Variants in NBAS observed in about 807,000 individuals in gnomAD.
The protein encoded by NBAS is NBAS subunit of NRZ tethering complex.
A neutral mutation model predicts 302.5 loss-of-function variants in NBAS; 219 were observed. That is an observed-to-expected ratio of 0.72 (90% CI 0.65 to 0.81). The LOEUF (loss-of-function observed/expected upper bound fraction) is 0.81, where lower values mean the gene tolerates loss of function less well. NBAS is among the 30% of genes least tolerant of loss of function. The pLI is 0.00. For missense variants in NBAS, 2,932 were observed against 2,841.6 expected (o/e 1.03, Z -0.72); for synonymous variants, 1,118 against 1,021.6 (o/e 1.09, Z -1.80).
intron 51 of NBAS, among the ~76,000 whole-genome samples, chr2:15,174,998 G>A (rs909618227): frequency 4.6e-5 from 7 of 151,834 alleles, no homozygotes; most frequent in Non-Finnish European, 1.0e-4. Context: ...TTTTTGAGAC[G>A]GAGTCTCACT....
the NBAS span, among the ~76,000 whole-genome samples, chr2:15,048,256 C>T: frequency 6.6e-6 from 1 of 152,248 alleles, no homozygotes; most frequent in Admixed American, 6.5e-5. Flanking sequence ...GCAGGCCCTG[C>T]GTGCAGTTCC....
rs776797592 is a variant in NBAS at position 15,402,288 on chromosome 2, A to AT, written c.2950dup (p.Ile984AsnfsTer4). The AT allele has an allele frequency of 2.5e-6, 4 of 1,613,394 alleles. No homozygotes were observed. Among genetic ancestry groups the AT allele is most frequent in the Admixed American group, 1.7e-5 (1 of 59,984 alleles). ...CATCAGTTGGTCCTGATCAGGAATA[A>AT]TTTTTTGCTGCAGCTACAGAAAATA... On this transcript the variant is annotated frameshift_variant, in exon 26 of 52. Transcript: ENST00000281513. LOFTEE classifies it high-confidence loss of function.
intron 25 of NBAS, among the ~76,000 whole-genome samples, chr2:15,413,677 A>G (rs74583390): frequency 8.4e-4 from 128 of 152,332 alleles, no homozygotes; most frequent in Non-Finnish European, 1.0e-3. Context: ...CAGGAAGCAG[A>G]CAGCAAAGAA....
intron 19 of NBAS, among the ~76,000 whole-genome samples, chr2:15,464,086 C>G (rs370973724): frequency 5.3e-5 from 8 of 152,178 alleles, no homozygotes; most frequent in African/African-American, 1.7e-4. Context: ...CATCACACCA[C>G]TCTTCTCTCT....
At chr2:15,205,232 T>C (rs1251742473) in intron 48 of NBAS, among the ~76,000 whole-genome samples, 5 of 151,840 alleles carry the variant, frequency 3.3e-5, no homozygotes, top group African/African-American at 1.2e-4. Context: ...ATGGATAACC[T>C]CAAATCAAAA....
chr2:15,072,885 T>C, the NBAS span, among the ~76,000 whole-genome samples: 2 of 152,096 alleles, frequency 1.3e-5, no homozygotes, highest in African/African-American at 2.4e-5. Context: ...CCCCAACACT[T>C]TGAGAGGCTG....
At chr2:15,389,503 T>C (rs996149485) in intron 28 of NBAS, among the ~76,000 whole-genome samples, 1 of 152,212 alleles carries the variant, frequency 6.6e-6, no homozygotes, top group Admixed American at 6.5e-5. Flanking sequence ...GATGGTATAC[T>C]GTGGAGTTAG....
chr2:15,262,277 T>G (rs1181270585), intron 44 of NBAS, among the ~76,000 whole-genome samples: 1 of 152,128 alleles, frequency 6.6e-6, no homozygotes, highest in Non-Finnish European at 1.5e-5. Context: ...TGACAGAAAG[T>G]AGAGAAAAGA....
In NBAS at chr2:15,419,788, G is replaced by A. The variant is rs376876063; in HGVS notation, c.2578-2076C>T. 3.6e-4 allele frequency among the ~76,000 whole-genome samples: 55 copies of A among 151,756 alleles called. No individual in the cohort carries two copies. The East Asian group carries it at 7.6e-3, about 21-fold the overall frequency. ...GTGCAATGGTGCGATCTCGGCTCAC[G>A]GCAAGCTCTGCCTCCTGGGTTCACA... On this transcript the variant is annotated intron_variant, in intron 23 of 51. Transcript: ENST00000281513.
chr2:15,123,737 A>G, the NBAS span, among the ~76,000 whole-genome samples: 2 of 152,198 alleles, frequency 1.3e-5, no homozygotes, highest in African/African-American at 2.4e-5. Context: ...CCTCACCAGA[A>G]GCAGATCCCA....
At chr2:15,163,305 G>A (rs1663939811), downstream of NBAS, among the ~76,000 whole-genome samples, 1 of 152,218 alleles carries the variant, frequency 6.6e-6, no homozygotes, top group Non-Finnish European at 1.5e-5. Flanking sequence ...CTAGAAGGGA[G>A]AAGGGGGTCA....
Position 15,234,405 on chromosome 2 carries a change from G to A in NBAS, c.6146+140C>T, listed in dbSNP as rs904679789. The A allele has an allele frequency of 4.8e-5, 40 of 841,838 alleles. No individual in the cohort carries two copies. The East Asian group carries it at 1.1e-3, about 22-fold the overall frequency. 52.1% of individuals were successfully genotyped at this position (841,838 alleles called of 1,614,324 possible). A position where few individuals can be genotyped will look rare whatever the true frequency, so the allele number is the denominator to read the frequency against. The stretch of plus-strand genomic sequence containing the variant: ...CTCCCTTCTGAAGACATAAGACTAT[G>A]AGAACTCTAAAAATAATCTCTCACT... On this transcript the variant is annotated intron_variant, in intron 46 of 51. Coordinates refer to ENST00000281513, the MANE Select transcript of NBAS (RefSeq NM_015909.4).
At chr2:15,283,436 CAGTG>C (rs1669908851) in intron 42 of NBAS, among the ~76,000 whole-genome samples, 2 of 152,232 alleles carry the variant, frequency 1.3e-5, no homozygotes, top group South Asian at 2.1e-4. Context: ...GTGCTCACGA[CAGTG>C]AGTGAGTTCT....
the NBAS span, among the ~76,000 whole-genome samples, chr2:14,909,398 A>ACAT: frequency 6.9e-6 from 1 of 145,458 alleles, no homozygotes; most frequent in Non-Finnish European, 1.5e-5. Context: ...AAGATTTCCC[A>ACAT]CATACCTACA....
At chr2:15,220,929 T>TA (rs1218787587) in intron 47 of NBAS, among the ~76,000 whole-genome samples, 2 of 152,218 alleles carry the variant, frequency 1.3e-5, no homozygotes, top group East Asian at 3.8e-4. Context: ...ATGTATTATT[T>TA]AATATACTTG....
chr2:15,054,579 A>C, the NBAS span, among the ~76,000 whole-genome samples: 1 of 152,190 alleles, frequency 6.6e-6, no homozygotes, highest in Non-Finnish European at 1.5e-5. Context: ...CCATAACGTT[A>C]TGGTTTATGT....
the NBAS span, among the ~76,000 whole-genome samples, chr2:15,075,529 T>C: frequency 6.6e-6 from 1 of 152,186 alleles, no homozygotes; most frequent in Non-Finnish European, 1.5e-5. Flanking sequence ...ATTCTCCTTA[T>C]CATTCCAGTA....
the NBAS span, among the ~76,000 whole-genome samples, chr2:14,996,291 T>A: frequency 5.1e-4 from 78 of 152,320 alleles, no homozygotes; most frequent in African/African-American, 1.8e-3. Flanking sequence ...ATTGGCTTTT[T>A]TCATCCTGAT....
intron 38 of NBAS, among the ~76,000 whole-genome samples, chr2:15,326,913 T>C (rs917716837): frequency 6.6e-6 from 1 of 152,108 alleles, no homozygotes; most frequent in Non-Finnish European, 1.5e-5. Flanking sequence ...AAATAAGCTA[T>C]AGTATCAGCT....
Sources: allele counts gnomAD v4.1 joint callset (sites outside exome capture counted in the v4.1 genomes callset), GRCh38; gene constraint gnomAD v4.1.1; transcripts MANE v1.5; gene names NCBI Gene and HGNC (gene_info 2026-07-23, HGNC 2026-07-21).